The following GNPNAT1 variants were observed in gnomAD, a reference collection of about 807,000 sequenced individuals.
GNPNAT1 encodes glucosamine-phosphate N-acetyltransferase 1, also known as glucosamine 6-phosphate N-acetyltransferase.
GNPNAT1 carries 11 observed loss-of-function variants against 19.8 expected under a neutral mutation model. The ratio of observed to expected loss-of-function variants is 0.56; its 90% CI spans 0.35 to 0.92. The LOEUF (loss-of-function observed/expected upper bound fraction) is 0.92, where lower values mean the gene tolerates loss of function less well. GNPNAT1 is among the 40% of genes least tolerant of loss of function. The pLI, the probability that GNPNAT1 is intolerant of heterozygous loss-of-function variation, is 0.01. For synonymous variants in GNPNAT1, 71 were observed against 72.3 expected (o/e 0.98, Z 0.09); for missense variants, 157 against 211.0 (o/e 0.74, Z 1.59).
At chr14:52,781,625 C>T (rs963855619) in intron 4 of GNPNAT1, 159 bp downstream of exon 4, 1 of 557,404 alleles carries the variant, frequency 1.8e-6, no homozygotes, top group African/African-American at 2.0e-5. Context: ...ACAATTCATA[C>T]TGTTATACAT....
chr14:52,777,417 A>T lies in GNPNAT1; in HGVS notation c.*894T>A, dbSNP rs1484396641. 6.6e-6 allele frequency: 1 copy of T among 152,314 alleles called. No individual in the cohort carries two copies. Among genetic ancestry groups the T allele is most frequent in the Non-Finnish European group, 1.5e-5 (1 of 68,044 alleles). 9.4% of individuals were successfully genotyped at this position (152,314 alleles called of 1,614,324 possible). On this transcript the variant is annotated 3_prime_UTR_variant, in exon 6 of 6. Coordinates refer to ENST00000216410, the MANE Select transcript of GNPNAT1 (RefSeq NM_198066.4). ...ATCAAAAAGCTTCCATTAACATTTT[A>T]TGAATTTGGCAATCTAGTACAATAC...
intron 2 of GNPNAT1, 115 bp downstream of exon 2, chr14:52,784,382 G>A (rs1008198685): frequency 4.1e-6 from 3 of 730,388 alleles, no homozygotes; most frequent in Admixed American, 3.7e-5. Context: ...TAAAAACTAA[G>A]TATTATACAA....
At chr14:52,780,566 GTGAGAA>G (rs1882869883) in intron 5 of GNPNAT1, 107 bp downstream of exon 5, 1 of 702,290 alleles carries the variant, frequency 1.4e-6, no homozygotes, top group African/African-American at 1.8e-5. Flanking sequence ...AACTATTAGA[GTGAGAA>G]TAAGTTCAGA....
At chr14:52,788,156 T>C (rs1883066267) in intron 1 of GNPNAT1, among the ~76,000 whole-genome samples, 1 of 152,120 alleles carries the variant, frequency 6.6e-6, no homozygotes, top group Non-Finnish European at 1.5e-5. Context: ...GGTTTTACTC[T>C]GTTGCCCAGG....
rs1882704937 is a variant in GNPNAT1 at position 52,776,018 on chromosome 14, T to TTTAA, written c.*2289_*2292dup. 1.3e-5 allele frequency: 2 copies of TTTAA among 151,818 alleles called. No individual in the cohort carries two copies. Among genetic ancestry groups the TTTAA allele is most frequent in the Admixed American group, 6.6e-5 (1 of 15,220 alleles). 9.4% of individuals were successfully genotyped at this position (151,818 alleles called of 1,614,324 possible). On this transcript the variant is annotated 3_prime_UTR_variant, in exon 6 of 6. Coordinates refer to ENST00000216410, the MANE Select transcript of GNPNAT1 (RefSeq NM_198066.4). ...ACATAGACTCCACACAAAAAATTTTTTTAATTAGCTGGGTGTGGTGGCATG... is the reference window on the plus strand; with the variant it reads ...ACATAGACTCCACACAAAAAATTTTTTTAATTAATTAGCTGGGTGTGGTGGCATG...
Position 52,777,081 on chromosome 14 carries a change from AG to A in GNPNAT1, c.*1229del, listed in dbSNP as rs1228918879. The A allele has an allele frequency of 1.3e-5, 2 of 152,290 alleles. No homozygotes were observed. The highest frequency in any genetic ancestry group is 2.9e-5 in the Non-Finnish European group (2 of 68,048). 9.4% of individuals were successfully genotyped at this position (152,290 alleles called of 1,614,324 possible). On this transcript the variant is annotated 3_prime_UTR_variant, in exon 6 of 6. Coordinates refer to ENST00000216410, the MANE Select transcript of GNPNAT1 (RefSeq NM_198066.4). ...AAGCCAACTATAGCTGGCTGCATGG[AG>A]GGAAATCCAAAATCCAGATGACGTG...
At chr14:52,778,604 T>G in intron 5 of GNPNAT1, 146 bp from the exon 6 acceptor site, 1 of 657,710 alleles carries the variant, frequency 1.5e-6, no homozygotes, top group Non-Finnish European at 2.5e-6. Flanking sequence ...TTCATGTAAG[T>G]TGATAAGCAT....
chr14:52,787,942 G>C (rs904020019), intron 1 of GNPNAT1: 2 of 151,944 alleles, frequency 1.3e-5, no homozygotes, highest in African/African-American at 4.8e-5. Flanking sequence ...AGAAAAGAAC[G>C]TAGTTTATAA....
intron 1 of GNPNAT1, among the ~76,000 whole-genome samples, chr14:52,788,411 A>C (rs1055837445): frequency 1.3e-5 from 2 of 152,186 alleles, no homozygotes; most frequent in African/African-American, 2.4e-5. Flanking sequence ...TGGAATTACA[A>C]GTGTGAACCA....
chr14:52,778,469 A>G lies in GNPNAT1; in HGVS notation c.408-11T>C. 1 of 1,600,670 alleles carries G rather than the reference A, an allele frequency of 6.2e-7. No homozygotes were observed. The highest frequency in any genetic ancestry group is 2.2e-5 in the East Asian group (1 of 44,642). Reference sequence around the variant, plus strand: ...AGGGTTGATAATAACCTGAAATTTAAAAAGGGGGTAGGGTGAGGAGATAGC... The same window carrying G: ...AGGGTTGATAATAACCTGAAATTTAGAAAGGGGGTAGGGTGAGGAGATAGC... On this transcript the variant is annotated splice_polypyrimidine_tract_variant and intron_variant, in intron 5 of 5. Transcript: ENST00000216410.
In GNPNAT1 at chr14:52,784,494, T is replaced by C. The variant is rs777834221; in HGVS notation, c.154+3A>G. The C allele has an allele frequency of 1.6e-5, 25 of 1,561,792 alleles. No individual in the cohort carries two copies. The highest frequency in any genetic ancestry group is 1.9e-5 in the Non-Finnish European group (22 of 1,161,256). ...TAATTTTACACAGGATTTTGTACAT[T>C]ACCTCTATTTAAGTCAGCAGTACAA... On this transcript the variant is annotated splice_donor_region_variant and intron_variant, in intron 2 of 5. Transcript: ENST00000216410.
chr14:52,780,064 G>T (rs1882854169), intron 5 of GNPNAT1, among the ~76,000 whole-genome samples: 2 of 151,980 alleles, frequency 1.3e-5, no homozygotes, highest in African/African-American at 4.8e-5. Context: ...AGCTAATTGG[G>T]GGGCTGAAGA....
At chr14:52,788,533 G>A (rs1455005726) in intron 1 of GNPNAT1, among the ~76,000 whole-genome samples, 1 of 152,168 alleles carries the variant, frequency 6.6e-6, no homozygotes, top group African/African-American at 2.4e-5. Flanking sequence ...CTGAATGGTA[G>A]GTAGCAACAT....
At chr14:52,783,845 A>G (rs1412597775) in intron 2 of GNPNAT1, among the ~76,000 whole-genome samples, 1 of 152,184 alleles carries the variant, frequency 6.6e-6, no homozygotes, top group East Asian at 1.9e-4. Flanking sequence ...AAGGTGCAAC[A>G]TGGCTAAATA....
At chr14:52,781,969 A>C (rs1882904415) in intron 3 of GNPNAT1, 58 bp from the exon 4 acceptor site, 56 of 1,468,514 alleles carry the variant, frequency 3.8e-5, no homozygotes, top group Non-Finnish European at 4.9e-5. Flanking sequence ...ATGGGGAGCC[A>C]GAAAAATATT....
intron 4 of GNPNAT1, 25 bp downstream of exon 4, chr14:52,781,759 C>T: frequency 1.3e-6 from 2 of 1,563,114 alleles, no homozygotes; most frequent in Non-Finnish European, 1.7e-6. Flanking sequence ...AACAGCTGTC[C>T]ATTTTATTTA....
At position 52,784,527 on chromosome 14, in the gene GNPNAT1, T is replaced by A. The variant is rs1388249171; in HGVS notation, c.124A>T (p.Arg42Trp). The change falls in exon 2 of 6, where the codon AGG (arginine) becomes TGG (tryptophan). Residue 42 changes from arginine to tryptophan, a missense_variant. Transcript: ENST00000216410. Reference protein sequence around the residue: ...PTHPGEGLVLRPLCTADLNRG... With the variant: ...PTHPGEGLVLWPLCTADLNRG... ...TTTAAGTCAGCAGTACAAAGAGGCCTCAAAACCAAGCCTTCTCCAGGATGT... is the reference window on the plus strand; with the variant it reads ...TTTAAGTCAGCAGTACAAAGAGGCCACAAAACCAAGCCTTCTCCAGGATGT... 6.2e-7 allele frequency: 1 copy of A among 1,605,894 alleles called. No homozygotes were observed. The highest frequency in any genetic ancestry group is 1.7e-5 in the Admixed American group (1 of 58,584).
rs189860987 is a variant in GNPNAT1 at position 52,787,453 on chromosome 14, A to G, written c.-14-2789T>C. Among the ~76,000 whole-genome samples, 590 of 152,244 alleles carry G rather than the reference A, an allele frequency of 3.9e-3. 2 individuals are homozygous for G. The highest frequency in any genetic ancestry group is 5.8e-3 in the Non-Finnish European group (396 of 68,028). ...ACTGTTGAAAGAGCTTTACTAATTCATTTATTTCAACCATCCTACAGGTTA... is the reference window on the plus strand; with the variant it reads ...ACTGTTGAAAGAGCTTTACTAATTCGTTTATTTCAACCATCCTACAGGTTA... On this transcript the variant is annotated intron_variant, in intron 1 of 5. Transcript: ENST00000216410.
chr14:52,777,385 T>C lies in GNPNAT1; in HGVS notation c.*926A>G, dbSNP rs1406363788. ...GATAATGACCAGAATAGTGCCATTA[T>C]AATCACATCAAAAAGCTTCCATTAA... On this transcript the variant is annotated 3_prime_UTR_variant, in exon 6 of 6. Transcript: ENST00000216410. 6.6e-6 allele frequency: 1 copy of C among 152,040 alleles called. No individual in the cohort carries two copies. Among genetic ancestry groups the C allele is most frequent in the African/African-American group, 2.4e-5 (1 of 41,112 alleles). 9.4% of individuals were successfully genotyped at this position (152,040 alleles called of 1,614,324 possible).
Sources: allele counts gnomAD v4.1 joint callset (sites outside exome capture counted in the v4.1 genomes callset), GRCh38; gene constraint gnomAD v4.1.1; transcripts MANE v1.5; gene names NCBI Gene and HGNC (gene_info 2026-07-23, HGNC 2026-07-21).